Variants in SERPINI2 observed in about 807,000 individuals in gnomAD.
The protein encoded by SERPINI2 is serpin I2.
A neutral mutation model predicts 47.3 loss-of-function variants in SERPINI2; 48 were observed. The ratio of observed to expected loss-of-function variants is 1.02; its 90% CI spans 0.81 to 1.29. SERPINI2 has a LOEUF of 1.29. Among genes scored for constraint, SERPINI2 ranks in the 50% most tolerant of loss-of-function variants. The probability of loss-of-function intolerance (pLI) is 0.00; values close to 1 mark genes in which losing one functional copy is unlikely to be tolerated. For missense variants in SERPINI2, 448 were observed against 456.9 expected (o/e 0.98, Z 0.18); for synonymous variants, 135 against 149.3 (o/e 0.90, Z 0.70).
intron 7 of SERPINI2, chr3:167,447,150 C>T (rs1749503120): frequency 6.6e-6 from 1 of 152,100 alleles, no homozygotes; most frequent in African/African-American, 2.4e-5. Flanking sequence ...ATGCTTAATT[C>T]AGATACTGTA....
At chr3:167,474,790 T>C (rs1412809624), upstream of SERPINI2, among the ~76,000 whole-genome samples, 1 of 151,744 alleles carries the variant, frequency 6.6e-6, no homozygotes, top group East Asian at 1.9e-4. Context: ...CATCTCATTT[T>C]TGTAGTTCAA....
In SERPINI2 at chr3:167,467,294, T is replaced by TA; in HGVS notation, c.248-10dup. On this transcript the variant is annotated splice_polypyrimidine_tract_variant and intron_variant, in intron 2 of 8. Coordinates refer to ENST00000264677, the Ensembl canonical transcript of SERPINI2. Reference sequence around the variant, plus strand: ...TACAAAAAATTCTTCCCCTAGAAAATAATTTTAATGTATATTGGCATATTG... The same window carrying TA: ...TACAAAAAATTCTTCCCCTAGAAAATAAATTTTAATGTATATTGGCATATTG... The TA allele has an allele frequency of 6.3e-7, 1 of 1,579,192 alleles. No individual in the cohort carries two copies. Among genetic ancestry groups the TA allele is most frequent in the Non-Finnish European group, 8.7e-7 (1 of 1,153,408 alleles).
intron 3 of SERPINI2, among the ~76,000 whole-genome samples, chr3:167,465,956 T>C (rs1474134896): frequency 1.3e-5 from 2 of 152,192 alleles, no homozygotes; most frequent in Admixed American, 1.3e-4. Context: ...GTAACCATTG[T>C]ATGTCAGACA....
intron 8 of SERPINI2, among the ~76,000 whole-genome samples, chr3:167,444,131 C>G (rs1394414916): frequency 3.9e-5 from 6 of 152,146 alleles, no homozygotes; most frequent in African/African-American, 1.4e-4. Flanking sequence ...AACACAATAA[C>G]TTTCATTATG....
intron 5 of SERPINI2, among the ~76,000 whole-genome samples, chr3:167,460,176 T>G (rs529362102): frequency 1.3e-5 from 2 of 152,356 alleles, no homozygotes; most frequent in East Asian, 3.9e-4. Context: ...TTAATGAAGT[T>G]GATTAAGCTG....
chr3:167,473,783 C>A, intron 1 of SERPINI2: 1 of 1,462,470 alleles, frequency 6.8e-7, no homozygotes, highest in Non-Finnish European at 9.0e-7. Flanking sequence ...CAAAGTAATG[C>A]TGAACTAAAC....
chr3:167,443,364 C>T (rs1749383974), intron 8 of SERPINI2, among the ~76,000 whole-genome samples: 1 of 152,206 alleles, frequency 6.6e-6, no homozygotes. Context: ...GCCTCAGCCT[C>T]CCAAAGTGCT....
intron 5 of SERPINI2, among the ~76,000 whole-genome samples, chr3:167,454,236 A>G (rs934227193): frequency 6.6e-6 from 1 of 152,250 alleles, no homozygotes; most frequent in African/African-American, 2.4e-5. Flanking sequence ...CTTCTTAATT[A>G]TAATTCTCCA....
At chr3:167,470,570 T>C (rs972062498) in intron 2 of SERPINI2, among the ~76,000 whole-genome samples, 2 of 140,046 alleles carry the variant, frequency 1.4e-5, no homozygotes, top group Non-Finnish European at 3.1e-5. Flanking sequence ...TTTTTTTTTT[T>C]TTTTTTTTTG....
exon 3 of SERPINI2, chr3:167,467,058 C>T (rs761725446): frequency 1.3e-6 from 2 of 1,593,564 alleles, no homozygotes; most frequent in Non-Finnish European, 8.5e-7. Flanking sequence ...ACTTTACCAT[C>T]TGTTTTTCTT....
chr3:167,474,011 G>A, exon 1 of SERPINI2: 3 of 1,118,158 alleles, frequency 2.7e-6, no homozygotes, highest in Non-Finnish European at 3.3e-6. Flanking sequence ...ACCCCAAACT[G>A]ACTTCTGATT....
chr3:167,456,960 A>G (rs528275873), intron 5 of SERPINI2, among the ~76,000 whole-genome samples: 8 of 152,364 alleles, frequency 5.3e-5, no homozygotes, highest in Non-Finnish European at 1.2e-4. Context: ...ATTTAACAGT[A>G]TAAGAAAAAT....
intron 3 of SERPINI2, 56 bp from the exon 4 acceptor site, chr3:167,465,729 A>T: frequency 7.0e-7 from 1 of 1,432,082 alleles, no homozygotes; most frequent in Non-Finnish European, 9.5e-7. Context: ...GATTCAGTGG[A>T]ATTGCTTTGA....
intron 5 of SERPINI2, among the ~76,000 whole-genome samples, chr3:167,457,787 G>A (rs533988052): frequency 6.6e-6 from 1 of 152,280 alleles, no homozygotes; most frequent in African/African-American, 2.4e-5. Context: ...TAAACACAAG[G>A]TACTAGAACT....
chr3:167,444,737 A>G (rs1475688173), intron 8 of SERPINI2, among the ~76,000 whole-genome samples: 2 of 152,204 alleles, frequency 1.3e-5, no homozygotes, highest in Non-Finnish European at 2.9e-5. Context: ...ACTACAATAA[A>G]GAACATAAAA....
intron 5 of SERPINI2, among the ~76,000 whole-genome samples, chr3:167,457,417 C>T (rs528149479): frequency 1.3e-5 from 2 of 152,296 alleles, no homozygotes; most frequent in South Asian, 4.1e-4. Flanking sequence ...CTGGAACCCC[C>T]AAACAACCTA....
At chr3:167,450,779 G>A (rs1053686909) in intron 6 of SERPINI2, among the ~76,000 whole-genome samples, 1 of 152,052 alleles carries the variant, frequency 6.6e-6, no homozygotes, top group Non-Finnish European at 1.5e-5. Flanking sequence ...AGACCAAAAA[G>A]CAGGTTAGGA....
intron 2 of SERPINI2, chr3:167,469,120 A>C (rs185583768): frequency 1.3e-5 from 2 of 152,268 alleles, no homozygotes; most frequent in African/African-American, 4.8e-5. Context: ...CTGCCCTATA[A>C]ATTTTATTTC....
At chr3:167,468,209 T>C (rs963742438) in intron 2 of SERPINI2, among the ~76,000 whole-genome samples, 9 of 152,128 alleles carry the variant, frequency 5.9e-5, no homozygotes, top group African/African-American at 1.9e-4. Flanking sequence ...AAATGCCACT[T>C]TCATAACCTA....
Sources: gnomAD v4.1 joint callset for allele counts (sites outside exome capture counted in the v4.1 genomes callset) on GRCh38, gnomAD v4.1.1 for gene constraint, MANE v1.5 for transcripts, NCBI Gene and HGNC (gene_info 2026-07-23, HGNC 2026-07-21) for gene names.